Variants in CDK5RAP2 observed in about 807,000 individuals in gnomAD.
CDK5RAP2 encodes the protein CDK5 regulatory subunit associated protein 2.
Under a neutral mutation model 232.9 loss-of-function variants are expected in CDK5RAP2, and 147 were observed. That is an observed-to-expected ratio of 0.63 (90% CI 0.55 to 0.72). CDK5RAP2 has a LOEUF of 0.72. Among genes scored for constraint, CDK5RAP2 ranks in the 30% least tolerant of loss-of-function variants. The probability of loss-of-function intolerance (pLI) is 0.00; values close to 1 mark genes in which losing one functional copy is unlikely to be tolerated. For synonymous variants in CDK5RAP2, 833 were observed against 833.7 expected (o/e 1.00, Z 0.01); for missense variants, 2,195 against 2,231.5 (o/e 0.98, Z 0.33).
intron 25 of CDK5RAP2, among the ~76,000 whole-genome samples, chr9:120,427,790 C>G (rs973136451): frequency 1.3e-5 from 2 of 152,134 alleles, no homozygotes; most frequent in African/African-American, 4.8e-5. Flanking sequence ...AATGTTTGAT[C>G]AACAGAATAT....
At chr9:120,504,729 A>G (rs1370224684) in intron 12 of CDK5RAP2, among the ~76,000 whole-genome samples, 1 of 152,234 alleles carries the variant, frequency 6.6e-6, no homozygotes, top group Non-Finnish European at 1.5e-5. Flanking sequence ...GCTTCAGCTT[A>G]CGTTTCAGCT....
intron 7 of CDK5RAP2, among the ~76,000 whole-genome samples, chr9:120,533,481 C>A (rs1033446996): frequency 6.6e-6 from 1 of 152,056 alleles, no homozygotes; most frequent in African/African-American, 2.4e-5. Context: ...ATAAATTGCA[C>A]CACCCCACAG....
At chr9:120,500,025 C>T (rs1030661228) in intron 12 of CDK5RAP2, among the ~76,000 whole-genome samples, 1 of 152,144 alleles carries the variant, frequency 6.6e-6, no homozygotes, top group Non-Finnish European at 1.5e-5. Flanking sequence ...TGTTTTGTTT[C>T]ATTTAAAGTA....
At chr9:120,411,041 G>A (rs982499164) in intron 29 of CDK5RAP2, among the ~76,000 whole-genome samples, 2 of 152,196 alleles carry the variant, frequency 1.3e-5, no homozygotes, top group South Asian at 2.1e-4. Context: ...TGAGAGACAC[G>A]TGGCTACAGG....
intron 5 of CDK5RAP2, among the ~76,000 whole-genome samples, chr9:120,542,342 T>C (rs1256929367): frequency 6.6e-6 from 1 of 152,000 alleles, no homozygotes; most frequent in Non-Finnish European, 1.5e-5. Flanking sequence ...CTGTCTCTAC[T>C]AAAAATACAA....
intron 2 of CDK5RAP2, among the ~76,000 whole-genome samples, chr9:120,569,670 G>A (rs1207357486): frequency 6.6e-6 from 1 of 152,206 alleles, no homozygotes; most frequent in Non-Finnish European, 1.5e-5. Flanking sequence ...GGGACAGACT[G>A]TATACGGTTT....
chr9:120,405,297 C>G (rs534843567), intron 32 of CDK5RAP2, among the ~76,000 whole-genome samples: 1 of 152,194 alleles, frequency 6.6e-6, no homozygotes, highest in Non-Finnish European at 1.5e-5. Flanking sequence ...GATCTTGACT[C>G]AAGGAAATTA....
At chr9:120,530,626 C>G (rs1242239581) in intron 7 of CDK5RAP2, among the ~76,000 whole-genome samples, 10 of 152,052 alleles carry the variant, frequency 6.6e-5, no homozygotes, top group African/African-American at 7.2e-5. Flanking sequence ...AACAATGACA[C>G]ACTGGATTAA....
intron 3 of CDK5RAP2, among the ~76,000 whole-genome samples, chr9:120,557,700 A>G (rs574298640): frequency 6.6e-6 from 1 of 151,736 alleles, no homozygotes; most frequent in Non-Finnish European, 1.5e-5. Flanking sequence ...TCGAAGCTAC[A>G]GTAAGCCATG....
chr9:120,446,451 C>T (rs908376247), intron 22 of CDK5RAP2, among the ~76,000 whole-genome samples: 1 of 152,174 alleles, frequency 6.6e-6, no homozygotes. Flanking sequence ...GTCTCGAACT[C>T]CTGACCTCAG....
intron 6 of CDK5RAP2, among the ~76,000 whole-genome samples, chr9:120,538,568 C>G (rs1220668214): frequency 6.6e-6 from 1 of 152,108 alleles, no homozygotes; most frequent in Non-Finnish European, 1.5e-5. Flanking sequence ...GGGACCAGAG[C>G]TGGAAGGACA....
At chr9:120,420,824 G>C (rs943434241) in intron 26 of CDK5RAP2, among the ~76,000 whole-genome samples, 1 of 152,216 alleles carries the variant, frequency 6.6e-6, no homozygotes, top group Non-Finnish European at 1.5e-5. Context: ...CAGGCTTGCT[G>C]CTGGCTTGCA....
In CDK5RAP2 at chr9:120,458,482, G is replaced by C; in HGVS notation, c.2343C>G (p.Phe781Leu). The C allele has an allele frequency of 6.2e-7, 1 of 1,614,108 alleles. No homozygotes were observed. Among genetic ancestry groups the C allele is most frequent in the Non-Finnish European group, 8.5e-7 (1 of 1,180,012 alleles). ...GAFINLLAPL[F>L]NEKATLLLES... ...CCAGTAATAATGTGGCCTTCTCATT[G>C]AACAAAGGGGCAAGCAGGTTTATGA... Residue 781 changes from phenylalanine to leucine, a missense_variant, in exon 20 of 38, where the codon TTC becomes TTG. Physicochemically the swap from Phe to Leu is conservative, Grantham distance 22. Transcript: ENST00000349780.
chr9:120,550,646 T>C (rs1588633501), intron 4 of CDK5RAP2, 146 bp downstream of exon 4: 2 of 674,084 alleles, frequency 3.0e-6, no homozygotes, highest in African/African-American at 3.6e-5. Flanking sequence ...GTCATCCTAA[T>C]ATCTTTATGC....
intron 22 of CDK5RAP2, among the ~76,000 whole-genome samples, chr9:120,444,402 C>G (rs2036071772): frequency 6.6e-6 from 1 of 152,252 alleles, no homozygotes; most frequent in Non-Finnish European, 1.5e-5. Flanking sequence ...ACTGCCACCT[C>G]CCCAAGCCCA....
At chr9:120,569,032 C>T (rs1263571760) in intron 2 of CDK5RAP2, among the ~76,000 whole-genome samples, 1 of 152,204 alleles carries the variant, frequency 6.6e-6, no homozygotes, top group Non-Finnish European at 1.5e-5. Context: ...TATTACACAC[C>T]TACTCGGTGC....
intron 12 of CDK5RAP2, among the ~76,000 whole-genome samples, chr9:120,499,589 G>C (rs1270508408): frequency 6.6e-6 from 1 of 152,104 alleles, no homozygotes; most frequent in Non-Finnish European, 1.5e-5. Context: ...AAAAGATGAT[G>C]ATGAGATTGC....
rs2034119099 is a variant in CDK5RAP2 at position 120,414,969 on chromosome 9, T to C, written c.4297+71A>G. 7 of 1,568,756 alleles carry C rather than the reference T, an allele frequency of 4.5e-6. No individual in the cohort carries two copies. In the South Asian group the frequency reaches 7.8e-5, roughly 17 times the overall value. ...AAGCACCTGCTTTGTACACAGATGC[T>C]TACTCAGGCAAATGCGTCACAGTGA... On this transcript the variant is annotated intron_variant, in intron 28 of 37. Transcript: ENST00000349780.
At chr9:120,529,093 A>G (rs929332125) in intron 8 of CDK5RAP2, among the ~76,000 whole-genome samples, 10 of 152,198 alleles carry the variant, frequency 6.6e-5, no homozygotes, top group Non-Finnish European at 1.3e-4. Flanking sequence ...GGAAGTGGGC[A>G]AGAGAGTTAA....
Sources: allele counts gnomAD v4.1 joint callset (sites outside exome capture counted in the v4.1 genomes callset), GRCh38; gene constraint gnomAD v4.1.1; transcripts MANE v1.5; gene names NCBI Gene and HGNC (gene_info 2026-07-23, HGNC 2026-07-21).